FAM90A20: variants seen among roughly 807,000 people sequenced by gnomAD.
FAM90A20 encodes protein FAM90A20.
At chr8:7,296,837 A>T in the FAM90A20 span, among the ~76,000 whole-genome samples, 1 of 136,546 alleles carries the variant, frequency 7.3e-6, no homozygotes, top group African/African-American at 3.5e-5. Flanking sequence ...AATCTTTTGA[A>T]CAATGGTGTG....
At chr8:7,297,604 G>T in the FAM90A20 span, 310 of 1,461,768 alleles carry the variant, frequency 2.1e-4, 84 homozygotes, top group African/African-American at 4.9e-3. Context: ...GAGGTGAGCT[G>T]GGGGCCCCGG....
the FAM90A20 span, chr8:7,297,151 T>C: frequency 2.4e-5 from 36 of 1,528,704 alleles, 6 homozygotes; most frequent in Middle Eastern, 7.0e-4. Flanking sequence ...CCGAAATGTC[T>C]GGCAGGGGCT....
the FAM90A20 span, chr8:7,295,136 G>A: frequency 1.4e-5 from 1 of 70,266 alleles, no homozygotes; most frequent in East Asian, 3.0e-4. Context: ...AAGATCCCAG[G>A]GTAAGTCTAG....
chr8:7,297,740 C>G, the FAM90A20 span: 1,774 of 1,489,572 alleles, frequency 1.2e-3, 136 homozygotes, highest in Non-Finnish European at 1.4e-3. Flanking sequence ...ACCTTGCCTG[C>G]CTACTGCCCA....
At chr8:7,297,898 C>T in the FAM90A20 span, 18,793 of 742,918 alleles carry the variant, frequency 0.025, 1,320 homozygotes, top group Admixed American at 0.038. Context: ...CGGGAGCCTT[C>T]CTCGCTCAGA....
chr8:7,296,455 C>T, the FAM90A20 span: 1 of 703,096 alleles, frequency 1.4e-6, no homozygotes, highest in Non-Finnish European at 2.6e-6. Context: ...TGGTTGATTT[C>T]CTTTCAGCTT....
the FAM90A20 span, chr8:7,296,218 C>T: frequency 9.0e-5 from 60 of 664,684 alleles, 8 homozygotes; most frequent in Middle Eastern, 1.6e-3. Flanking sequence ...TGGGGCTGGG[C>T]CCCAGACGGG....
chr8:7,297,156 G>A, the FAM90A20 span: 21 of 1,530,932 alleles, frequency 1.4e-5, 1 homozygote, highest in Non-Finnish European at 1.8e-5. Flanking sequence ...ATGTCTGGCA[G>A]GGGCTCCGTC....
chr8:7,296,209 G>A, the FAM90A20 span: 3 of 660,848 alleles, frequency 4.5e-6, no homozygotes, highest in East Asian at 2.8e-5. Context: ...GACACGGAAT[G>A]GGGCTGGGCC....
At chr8:7,295,506 A>T in the FAM90A20 span, 2 of 542,304 alleles carry the variant, frequency 3.7e-6, no homozygotes, top group Non-Finnish European at 6.3e-6. Flanking sequence ...AACGGCCCCC[A>T]TGCCGGTGTC....
chr8:7,296,414 G>T, the FAM90A20 span: 242 of 737,346 alleles, frequency 3.3e-4, 77 homozygotes, highest in African/African-American at 5.3e-3. Context: ...GTCACCCCGG[G>T]CCCCTGGTCC....
At chr8:7,297,486 T>C in the FAM90A20 span, 5 of 1,537,002 alleles carry the variant, frequency 3.3e-6, 1 homozygote, top group Non-Finnish European at 1.8e-6. Flanking sequence ...AATCTCAGCT[T>C]TGGGTCAGGA....
chr8:7,296,995 T>A, the FAM90A20 span: 5 of 1,313,976 alleles, frequency 3.8e-6, no homozygotes, highest in South Asian at 5.0e-5. Context: ...TGTCTTTGGA[T>A]GTGTTTGATT....
At chr8:7,297,397 C>T in the FAM90A20 span, 1 of 1,535,712 alleles carries the variant, frequency 6.5e-7, no homozygotes, top group East Asian at 2.2e-5. Flanking sequence ...CCGTCAGAAC[C>T]CAGGCACAAG....
the FAM90A20 span, chr8:7,297,242 G>T: frequency 6.2e-5 from 93 of 1,489,646 alleles, 7 homozygotes; most frequent in South Asian, 1.0e-3. Context: ...AAGACAGACA[G>T]GGGCTGCCGC....
the FAM90A20 span, chr8:7,295,560 C>A: frequency 1.5e-6 from 1 of 669,526 alleles, no homozygotes. Flanking sequence ...ACAATCCATC[C>A]CAATGTTAAC....
At chr8:7,297,609 C>T in the FAM90A20 span, 64 of 1,449,312 alleles carry the variant, frequency 4.4e-5, 4 homozygotes, top group Admixed American at 3.3e-4. Context: ...GAGCTGGGGG[C>T]CCCGGAGAAT....
chr8:7,296,941 C>T, the FAM90A20 span: 6 of 852,200 alleles, frequency 7.0e-6, 1 homozygote, highest in South Asian at 1.6e-5. Context: ...CTTCCAAGGA[C>T]CGCCTGTCGA....
chr8:7,297,546 A>G, the FAM90A20 span: 10 of 1,523,888 alleles, frequency 6.6e-6, 1 homozygote, highest in Admixed American at 5.1e-5. Flanking sequence ...AACTTCCCCA[A>G]GAAACCGAGA....
Sources: allele counts gnomAD v4.1 joint callset (sites outside exome capture counted in the v4.1 genomes callset), GRCh38; gene constraint gnomAD v4.1.1; transcripts MANE v1.5; gene names NCBI Gene and HGNC (gene_info 2026-07-23, HGNC 2026-07-21).